NMNAT3: variants seen among roughly 807,000 people sequenced by gnomAD.
The protein encoded by NMNAT3 is nicotinamide nucleotide adenylyltransferase 3.
NMNAT3 carries 21 observed loss-of-function variants against 24.8 expected under a neutral mutation model. That is an observed-to-expected ratio of 0.85 (90% CI 0.60 to 1.22). The LOEUF is 1.22. NMNAT3 is among the 50% of genes most tolerant of loss of function. NMNAT3 has a pLI of 0.00. For synonymous variants in NMNAT3, 136 were observed against 155.2 expected, an observed-to-expected ratio of 0.88 and a Z score of 0.92; for missense variants, 387 against 436.6, an observed-to-expected ratio of 0.89 and a Z score of 1.01.
At chr3:139,639,167 G>C (rs902609676) in intron 1 of NMNAT3, among the ~76,000 whole-genome samples, 2 of 152,174 alleles carry the variant, frequency 1.3e-5, no homozygotes, top group Non-Finnish European at 2.9e-5. Flanking sequence ...TCTGACTGGA[G>C]AGTGAGCTTC....
intron 3 of NMNAT3, among the ~76,000 whole-genome samples, chr3:139,605,688 G>C (rs1315053715): frequency 6.6e-6 from 1 of 152,022 alleles, no homozygotes; most frequent in Non-Finnish European, 1.5e-5. Flanking sequence ...GCTTGGATTT[G>C]AAAGCAGGCC....
chr3:139,573,608 C>T lies in NMNAT3; in HGVS notation c.648G>A (p.Ser216=), dbSNP rs558543319. 7.8e-5 allele frequency: 124 copies of T among 1,594,086 alleles called. 1 individual carries two copies. In the South Asian group the frequency reaches 1.2e-3, roughly 16 times the overall value. ...AGGATCAGCACCCACCTGCAGGGGT[C>T]GAGAAGAGTGCCTTGCCATGGTCTG... Residue 216 remains serine (S), a synonymous_variant, in exon 6 of 7, where the codon TCG becomes TCA. Coordinates refer to ENST00000643695, the MANE Select transcript of NMNAT3 (RefSeq NM_001320510.2).
At chr3:139,629,602 T>TAA (rs1349974729) in intron 2 of NMNAT3, among the ~76,000 whole-genome samples, 1 of 152,196 alleles carries the variant, frequency 6.6e-6, no homozygotes, top group African/African-American at 2.4e-5. Flanking sequence ...AATCCTGCAG[T>TAA]TCTGGGGGCA....
At position 139,579,191 on chromosome 3, in the gene NMNAT3, A is replaced by G; in HGVS notation, c.392-136T>C. 7.1e-6 allele frequency: 5 copies of G among 700,350 alleles called. No homozygotes were observed. In the South Asian group the frequency reaches 7.4e-5, roughly 10 times the overall value. The allele number at this position is 700,350 out of a possible 1,614,324, so 43.4% of individuals were successfully genotyped here. ...AGACTCTGGCATTCTCTCATGGGGG[A>G]GAAAGGGTAGCTCCCTTAGGCAAGG... On this transcript the variant is annotated intron_variant, in intron 4 of 6. Coordinates refer to ENST00000643695, the MANE Select transcript of NMNAT3 (RefSeq NM_001320510.2).
chr3:139,597,443 G>A (rs556974726), intron 3 of NMNAT3, among the ~76,000 whole-genome samples: 2 of 152,242 alleles, frequency 1.3e-5, no homozygotes, highest in East Asian at 3.9e-4. Context: ...TATTGTCCTT[G>A]AATACCTAGG....
intron 1 of NMNAT3, among the ~76,000 whole-genome samples, chr3:139,675,028 A>G (rs1263970657): frequency 2.0e-5 from 3 of 152,104 alleles, no homozygotes; most frequent in African/African-American, 7.2e-5. Context: ...TGACTACAAG[A>G]CTATGGTGTT....
intron 1 of NMNAT3, among the ~76,000 whole-genome samples, chr3:139,655,474 T>C (rs1473042887): frequency 2.6e-5 from 4 of 152,222 alleles, no homozygotes; most frequent in Non-Finnish European, 4.4e-5. Flanking sequence ...TAATGCCCTC[T>C]CTTTGAGGCC....
chr3:139,627,663 A>G lies in NMNAT3; in HGVS notation c.62T>C (p.Met21Thr), dbSNP rs1201564521. ...GGCCACCTCAAACATGCGCAGGTGCATGTTGGTGATGGGGTTAAAGGAGCC... is the reference window on the plus strand; with the variant it reads ...GGCCACCTCAAACATGCGCAGGTGCGTGTTGGTGATGGGGTTAAAGGAGCC... Residue 21 changes from methionine to threonine, a missense_variant, in exon 3 of 7, where the codon ATG becomes ACG. Physicochemically the swap from Met to Thr is moderately conservative, Grantham distance 81 (BLOSUM62 -1). Coordinates refer to ENST00000643695, the MANE Select transcript of NMNAT3 (RefSeq NM_001320510.2). 1 of 1,596,190 alleles carries G rather than the reference A, an allele frequency of 6.3e-7. No individual in the cohort carries two copies. The highest frequency in any genetic ancestry group is 1.1e-5 in the South Asian group (1 of 90,746).
intron 1 of NMNAT3, among the ~76,000 whole-genome samples, chr3:139,662,261 G>A (rs2108429882): frequency 1.3e-5 from 2 of 152,256 alleles, no homozygotes; most frequent in Admixed American, 1.3e-4. Flanking sequence ...GGCTGGATCT[G>A]GAGTCAGATG....
chr3:139,622,500 C>T (rs528154711), intron 3 of NMNAT3, among the ~76,000 whole-genome samples: 3 of 151,338 alleles, frequency 2.0e-5, no homozygotes, highest in Non-Finnish European at 2.9e-5. Flanking sequence ...TTTGGGAGGC[C>T]GAGGCAGGCT....
chr3:139,632,876 T>A (rs1287968694), intron 2 of NMNAT3, among the ~76,000 whole-genome samples: 2 of 152,168 alleles, frequency 1.3e-5, no homozygotes, highest in South Asian at 2.1e-4. Flanking sequence ...ACTTTACAGA[T>A]GTGATTACAT....
At chr3:139,609,416 A>G (rs889469969) in intron 3 of NMNAT3, among the ~76,000 whole-genome samples, 1 of 152,142 alleles carries the variant, frequency 6.6e-6, no homozygotes, top group African/African-American at 2.4e-5. Flanking sequence ...GCCATTTTTT[A>G]TCTTAGCCAT....
intron 3 of NMNAT3, among the ~76,000 whole-genome samples, chr3:139,610,293 C>T (rs534345411): frequency 6.6e-6 from 1 of 152,160 alleles, no homozygotes; most frequent in African/African-American, 2.4e-5. Context: ...TCTCAGAGAC[C>T]CTTTCAAGAT....
At chr3:139,658,128 T>C (rs2108414229) in intron 1 of NMNAT3, among the ~76,000 whole-genome samples, 1 of 152,176 alleles carries the variant, frequency 6.6e-6, no homozygotes, top group Non-Finnish European at 1.5e-5. Context: ...AGCACCCCTC[T>C]CTGTGGTAAG....
At chr3:139,645,201 CAAAAAAGA>C (rs1451845415) in intron 1 of NMNAT3, among the ~76,000 whole-genome samples, 1 of 151,202 alleles carries the variant, frequency 6.6e-6, no homozygotes, top group Non-Finnish European at 1.5e-5. Context: ...GACTCCATCT[CAAAAAAGA>C]AAAAAAGAAA....
chr3:139,568,995 C>G (rs1464970653), intron 6 of NMNAT3: 1 of 152,178 alleles, frequency 6.6e-6, no homozygotes, highest in Non-Finnish European at 1.5e-5. Context: ...TTGTAGGTCA[C>G]TAAGGACTTG....
At chr3:139,594,141 T>A (rs1349763499) in intron 3 of NMNAT3, among the ~76,000 whole-genome samples, 1 of 152,032 alleles carries the variant, frequency 6.6e-6, no homozygotes, top group Admixed American at 6.5e-5. Context: ...TCACCACCGA[T>A]CCTACAGAAA....
chr3:139,594,176 A>G (rs1435312734), intron 3 of NMNAT3, among the ~76,000 whole-genome samples: 1 of 152,248 alleles, frequency 6.6e-6, no homozygotes, highest in Non-Finnish European at 1.5e-5. Flanking sequence ...AGAGAATACT[A>G]CAAACAACTC....
At position 139,560,936 on chromosome 3, in the gene NMNAT3, A is replaced by G; in HGVS notation, c.*74T>C. ...AAAATGGAGAAGCAAAAACCAAAGT[A>G]AAACAGAAACCTTAACAGCCCTCTC... On this transcript the variant is annotated 3_prime_UTR_variant, in exon 7 of 7. Coordinates refer to ENST00000643695, the MANE Select transcript of NMNAT3 (RefSeq NM_001320510.2). The G allele has an allele frequency of 1.4e-6, 2 of 1,475,220 alleles. No individual in the cohort carries two copies. Among genetic ancestry groups the G allele is most frequent in the East Asian group, 4.6e-5 (2 of 43,860 alleles). The allele number at this position is 1,475,220 out of a possible 1,614,324, so 91.4% of individuals were successfully genotyped here. A position where few individuals can be genotyped will look rare whatever the true frequency, so the allele number is the denominator to read the frequency against.
Sources: gnomAD v4.1 joint callset for allele counts (sites outside exome capture counted in the v4.1 genomes callset) on GRCh38, gnomAD v4.1.1 for gene constraint, MANE v1.5 for transcripts, NCBI Gene and HGNC (gene_info 2026-07-23, HGNC 2026-07-21) for gene names.